PIEZO2: variants seen among roughly 807,000 people sequenced by gnomAD.
PIEZO2 encodes the protein piezo-type mechanosensitive ion channel component 2.
PIEZO2 carries 172 observed loss-of-function variants against 337.3 expected under a neutral mutation model. That is an observed-to-expected ratio of 0.51 (90% confidence interval 0.45 to 0.58). The LOEUF (loss-of-function observed/expected upper bound fraction) is 0.58. Among genes scored for constraint, PIEZO2 ranks in the 20% least tolerant of loss-of-function variants. The pLI is 0.00. For synonymous variants in PIEZO2, 1,251 were observed against 1,228.5 expected, an observed-to-expected ratio of 1.02 and a Z score of -0.38; for missense variants, 3,028 against 3,391.3, an observed-to-expected ratio of 0.89 and a Z score of 2.66.
In PIEZO2 at chr18:11,132,881, G is replaced by A. The variant is rs1465935960; in HGVS notation, c.64+15644C>T. The stretch of plus-strand genomic sequence containing the variant: ...GCGTCTCTTAGTATTACCATGCTCT[G>A]TGATTAAGGTCAATGGGAAACTACA... On this transcript the variant is annotated intron_variant, in intron 1 of 55. Coordinates refer to ENST00000674853, the MANE Select transcript of PIEZO2 (RefSeq NM_001378183.1). The surrounding 1 kb of genome is among the most constrained non-coding windows in gnomAD (Gnocchi z 4.7). Among the ~76,000 whole-genome samples, 1 of 152,144 alleles carries A rather than the reference G, an allele frequency of 6.6e-6. No homozygotes were observed. Among genetic ancestry groups the A allele is most frequent in the Non-Finnish European group, 1.5e-5 (1 of 68,040 alleles).
At chr18:10,698,837 C>T in intron 44 of PIEZO2, 88 bp downstream of exon 44, 3 of 1,461,534 alleles carry the variant, frequency 2.1e-6, no homozygotes, top group Non-Finnish European at 2.7e-6. Context: ...GCACCCAATA[C>T]ACTCCCTTGC....
In PIEZO2 at chr18:11,028,725, G is replaced by C. The variant is rs2036626347; in HGVS notation, c.160+37402C>G. ...TCACATATTCTGGAAGGAGAAGAAA[G>C]TGAGAATCTGATCAGGTCTGAATAA... On this transcript the variant is annotated intron_variant, in intron 2 of 55. Transcript: ENST00000674853. This position sits in a 1 kb window ranked among gnomAD's most constrained non-coding sequence, Gnocchi z 4.8. Among the ~76,000 whole-genome samples, 1 of 152,216 alleles carries C rather than the reference G, an allele frequency of 6.6e-6. No homozygotes were observed. The highest frequency in any genetic ancestry group is 2.4e-5 in the African/African-American group (1 of 41,448).
Position 10,979,546 on chromosome 18 carries a change from G to A in PIEZO2, c.275C>T (p.Pro92Leu). ...VSLEAQHRIAPGYNCSTWEKT... is the reference protein window; with the variant it reads ...VSLEAQHRIALGYNCSTWEKT... ...ACCATAATACTCACAGTTGTAGCCA[G>A]GTGCAATACGATGTTGAGCTTCAAG... The change falls in exon 3 of 56, where the codon CCT becomes CTT. Residue 92 changes from proline (P) to leucine (L), a missense_variant. By Grantham distance (98) the Pro-to-Leu change is moderately conservative. Around this residue, in one of 5 missense-constraint regions of PIEZO2, gnomAD observed 542 missense variants for 605.6 expected, o/e 0.89. Coordinates refer to ENST00000674853, the MANE Select transcript of PIEZO2 (RefSeq NM_001378183.1). This position sits in a 1 kb window ranked among gnomAD's most constrained non-coding sequence, Gnocchi z 4.0. 6.5e-7 allele frequency: 1 copy of A among 1,529,876 alleles called. No individual in the cohort carries two copies. The highest frequency in any genetic ancestry group is 2.0e-5 in the Admixed American group (1 of 50,780). 94.8% of individuals were successfully genotyped at this position (1,529,876 alleles called of 1,614,324 possible).
chr18:10,844,445 A>AAAATAAAATAAAATAAAATAAAATC (rs1239352675), intron 7 of PIEZO2, among the ~76,000 whole-genome samples: 1 of 150,528 alleles, frequency 6.6e-6, no homozygotes, highest in Non-Finnish European at 1.5e-5. Context: ...AAAATAAAAT[A>AAAATAAAATAAAATAAAATAAAATC]AAAATAAAGG....
rs1299582135 is a variant in PIEZO2, at chr18:11,035,196, A to G, written c.160+30931T>C. Among the ~76,000 whole-genome samples the G allele has an allele frequency of 1.3e-5, 2 of 152,140 alleles. No homozygotes were observed. ...ATTTCTTGTTGAAATGTGATCCCCA[A>G]TATTGGACATGGGGCCTGGTGGGAG... On this transcript the variant is annotated intron_variant, in intron 2 of 55. Transcript: ENST00000674853. The surrounding 1 kb of genome is among the most constrained non-coding windows in gnomAD (Gnocchi z 4.3).
At chr18:10,698,827 G>T in intron 44 of PIEZO2, 98 bp downstream of exon 44, 2 of 1,387,976 alleles carry the variant, frequency 1.4e-6, no homozygotes, top group East Asian at 2.5e-5. Context: ...TCTCTTGATA[G>T]CACCCAATAC....
At chr18:10,692,970 C>T (rs571407447) in intron 47 of PIEZO2, among the ~76,000 whole-genome samples, 2 of 152,172 alleles carry the variant, frequency 1.3e-5, no homozygotes, top group African/African-American at 4.8e-5. Flanking sequence ...TGCATCTCCC[C>T]CAAATTCATG....
intron 3 of PIEZO2, among the ~76,000 whole-genome samples, chr18:10,930,885 C>A (rs1302813415): frequency 6.6e-6 from 1 of 152,130 alleles, no homozygotes; most frequent in Non-Finnish European, 1.5e-5. Flanking sequence ...CTATAGGTAA[C>A]CTCCTATTGT....
chr18:10,742,141 C>T (rs559781286), intron 32 of PIEZO2, among the ~76,000 whole-genome samples: 142 of 152,084 alleles, frequency 9.3e-4, no homozygotes, highest in African/African-American at 3.3e-3. Flanking sequence ...GGGGACAGAG[C>T]GAGACTCCGT....
At chr18:10,688,626 T>G (rs1418251343) in intron 49 of PIEZO2, among the ~76,000 whole-genome samples, 2 of 152,236 alleles carry the variant, frequency 1.3e-5, no homozygotes, top group Non-Finnish European at 2.9e-5. Context: ...TCTGTTTTTC[T>G]TAAGTCTCAC....
intron 1 of PIEZO2, among the ~76,000 whole-genome samples, chr18:11,091,410 A>C (rs570799422): frequency 6.6e-6 from 1 of 152,120 alleles, no homozygotes; most frequent in African/African-American, 2.4e-5. Context: ...GAAAAAAAGA[A>C]AAAGAAAGGA....
chr18:10,949,155 T>C (rs1335236979), intron 3 of PIEZO2, among the ~76,000 whole-genome samples: 1 of 152,188 alleles, frequency 6.6e-6, no homozygotes, highest in Non-Finnish European at 1.5e-5. Flanking sequence ...GAAGTAATTG[T>C]ATACATTTTG....
intron 5 of PIEZO2, among the ~76,000 whole-genome samples, 182 bp from the exon 6 acceptor site, chr18:10,857,393 T>C (rs1334189049): frequency 6.6e-6 from 1 of 151,794 alleles, no homozygotes; most frequent in Non-Finnish European, 1.5e-5. Flanking sequence ...CCCAAGTAAC[T>C]CTGATCTTTC....
At chr18:10,848,779 T>C (rs1212494778) in intron 7 of PIEZO2, among the ~76,000 whole-genome samples, 1 of 152,210 alleles carries the variant, frequency 6.6e-6, no homozygotes, top group Non-Finnish European at 1.5e-5. Context: ...CTCATTTCAG[T>C]GCTGAACATA....
chr18:10,871,136 G>A, intron 5 of PIEZO2, 117 bp downstream of exon 5: 2 of 1,079,242 alleles, frequency 1.9e-6, no homozygotes. Context: ...TTTATGTCAA[G>A]CACTGTGAAT....
intron 1 of PIEZO2, among the ~76,000 whole-genome samples, chr18:11,106,173 G>C (rs1307903659): frequency 1.3e-5 from 2 of 151,936 alleles, no homozygotes; most frequent in Admixed American, 1.3e-4. Context: ...TGCAAGCTCC[G>C]CCTCCCGGGT....
intron 2 of PIEZO2, among the ~76,000 whole-genome samples, chr18:11,049,763 A>C (rs7240199): frequency 0.079 from 12,048 of 152,130 alleles, 577 homozygotes; most frequent in Middle Eastern, 0.16. Flanking sequence ...CATGTAAGAC[A>C]TGCCTTTCGC....
In PIEZO2 at chr18:10,870,918, G is replaced by T. The variant is rs1030450322; in HGVS notation, c.492+335C>A. On this transcript the variant is annotated intron_variant, in intron 5 of 55. Coordinates refer to ENST00000674853, the MANE Select transcript of PIEZO2 (RefSeq NM_001378183.1). The surrounding 1 kb of genome is among the most constrained non-coding windows in gnomAD (Gnocchi z 5.3). ...CTTTAAATATTCTGCAATAACTAAG[G>T]TACCCAGACCAATTGAACCATAACA... Among the ~76,000 whole-genome samples the T allele has an allele frequency of 1.3e-5, 2 of 151,848 alleles. No individual in the cohort carries two copies. The highest frequency in any genetic ancestry group is 2.9e-5 in the Non-Finnish European group (2 of 67,962).
chr18:11,007,111 A>G (rs749199539), intron 2 of PIEZO2, among the ~76,000 whole-genome samples: 6 of 152,184 alleles, frequency 3.9e-5, no homozygotes, highest in Non-Finnish European at 8.8e-5. Flanking sequence ...GCTATCAAAC[A>G]CTAGATTTTA....
Sources: gnomAD v4.1 joint callset for allele counts (sites outside exome capture counted in the v4.1 genomes callset) on GRCh38, gnomAD v4.1.1 for gene constraint, gnomAD v4.1.1 regional missense constraint, Gnocchi (gnomAD v3.1) non-coding constraint, MANE v1.5 for transcripts, NCBI Gene and HGNC (gene_info 2026-07-23, HGNC 2026-07-21) for gene names.